Variants in TMEM117 observed in about 807,000 individuals in gnomAD.
The protein encoded by TMEM117 is transmembrane protein 117.
Under a neutral mutation model 52.4 loss-of-function variants are expected in TMEM117, and 27 were observed. That is an observed-to-expected ratio of 0.51 (90% CI 0.38 to 0.71). The LOEUF is 0.71. Among genes scored for constraint, TMEM117 ranks in the 30% least tolerant of loss-of-function variants. TMEM117 has a pLI of 0.00. For missense variants in TMEM117, 556 were observed against 630.5 expected (o/e 0.88, Z 1.26); for synonymous variants, 215 against 206.3 (o/e 1.04, Z -0.36).
At chr12:43,875,220 AGTGTGTGT>A (rs63614060) in intron 2 of TMEM117, among the ~76,000 whole-genome samples, 303 of 148,222 alleles carry the variant, frequency 2.0e-3, no homozygotes, top group South Asian at 5.6e-3. Context: ...ATGGTGGGGA[AGTGTGTGT>A]GTGTGTGTGT....
At chr12:44,011,865 A>G (rs1344211182) in intron 3 of TMEM117, among the ~76,000 whole-genome samples, 3 of 152,176 alleles carry the variant, frequency 2.0e-5, no homozygotes, top group East Asian at 3.9e-4. Flanking sequence ...AAGACTATTA[A>G]GTGACTATAT....
At chr12:44,101,853 C>CT (rs1654981999) in intron 3 of TMEM117, among the ~76,000 whole-genome samples, 1 of 151,928 alleles carries the variant, frequency 6.6e-6, no homozygotes, top group Non-Finnish European at 1.5e-5. Context: ...CCCTGCATGC[C>CT]TTTTTCTTTT....
intron 4 of TMEM117, among the ~76,000 whole-genome samples, chr12:44,207,437 G>T (rs1949584045): frequency 6.6e-6 from 1 of 152,158 alleles, no homozygotes; most frequent in South Asian, 2.1e-4. Context: ...ACTCAGTTTT[G>T]TCACACAAAT....
At chr12:44,259,148 C>T (rs781289363) in intron 5 of TMEM117, among the ~76,000 whole-genome samples, 4 of 152,228 alleles carry the variant, frequency 2.6e-5, no homozygotes, top group African/African-American at 7.2e-5. Flanking sequence ...ATAGGAGGTA[C>T]AGCAGCTCCG....
At chr12:43,878,621 A>G (rs756476636) in intron 2 of TMEM117, among the ~76,000 whole-genome samples, 1 of 152,224 alleles carries the variant, frequency 6.6e-6, no homozygotes, top group Non-Finnish European at 1.5e-5. Flanking sequence ...CACTAGATGT[A>G]TGCTGTGATT....
At chr12:44,276,936 T>C (rs1255556350) in intron 5 of TMEM117, among the ~76,000 whole-genome samples, 1 of 140,056 alleles carries the variant, frequency 7.1e-6, no homozygotes, top group Admixed American at 6.9e-5. Flanking sequence ...GTGTGTGTAA[T>C]AGATCCTGAC....
intron 1 of TMEM117, among the ~76,000 whole-genome samples, chr12:43,837,249 T>G (rs1451757365): frequency 6.6e-6 from 1 of 152,226 alleles, no homozygotes; most frequent in Non-Finnish European, 1.5e-5. Context: ...CATTAAAAAA[T>G]AAACTTTTCA....
At chr12:43,887,380 G>A (rs1170332514) in intron 2 of TMEM117, among the ~76,000 whole-genome samples, 4 of 152,302 alleles carry the variant, frequency 2.6e-5, no homozygotes, top group Non-Finnish European at 4.4e-5. Flanking sequence ...TTTGTGCAAT[G>A]TACACAAAAC....
intron 5 of TMEM117, among the ~76,000 whole-genome samples, chr12:44,276,715 A>G (rs560652629): frequency 5.6e-4 from 85 of 152,318 alleles, no homozygotes; most frequent in African/African-American, 1.9e-3. Flanking sequence ...ATTGTATTGT[A>G]TACATATATC....
At chr12:44,065,269 A>C (rs1565813484) in intron 3 of TMEM117, among the ~76,000 whole-genome samples, 3 of 151,920 alleles carry the variant, frequency 2.0e-5, no homozygotes, top group Non-Finnish European at 2.9e-5. Flanking sequence ...ATCCCAGCTG[A>C]GGAGGAGAAT....
the TMEM117 span, among the ~76,000 whole-genome samples, chr12:43,808,743 G>A: frequency 6.9e-6 from 1 of 145,272 alleles, no homozygotes. Context: ...CCAGGAGGTA[G>A]AGGCTGCAAT....
chr12:44,269,495 T>A (rs990715953), intron 5 of TMEM117, among the ~76,000 whole-genome samples: 1 of 151,978 alleles, frequency 6.6e-6, no homozygotes, highest in Non-Finnish European at 1.5e-5. Flanking sequence ...TATTCTTATT[T>A]TTTTTTTAGT....
intron 4 of TMEM117, among the ~76,000 whole-genome samples, chr12:44,210,283 T>C (rs1949628320): frequency 6.6e-6 from 1 of 152,098 alleles, no homozygotes; most frequent in South Asian, 2.1e-4. Context: ...ACACACACAT[T>C]TATGTAACAC....
chr12:44,244,819 G>A (rs538874405), intron 5 of TMEM117, among the ~76,000 whole-genome samples: 3 of 151,886 alleles, frequency 2.0e-5, no homozygotes, highest in Non-Finnish European at 2.9e-5. Flanking sequence ...TTATTTTATA[G>A]TTTCAGGTCT....
chr12:44,299,772 CTGCA>C, intron 6 of TMEM117, 33 bp downstream of exon 6: 2 of 1,611,308 alleles, frequency 1.2e-6, no homozygotes, highest in South Asian at 2.2e-5. Flanking sequence ...AGTGAAGCTG[CTGCA>C]TGCTCTGTTC....
At chr12:43,807,073 C>A in the TMEM117 span, among the ~76,000 whole-genome samples, 1 of 152,042 alleles carries the variant, frequency 6.6e-6, no homozygotes, top group East Asian at 1.9e-4. Flanking sequence ...TCCTTTCCTG[C>A]TTTTACAAAC....
chr12:44,391,946 T>C (rs1411873632), downstream of TMEM117, among the ~76,000 whole-genome samples: 1 of 152,130 alleles, frequency 6.6e-6, no homozygotes, highest in Non-Finnish European at 1.5e-5. Flanking sequence ...AGAACCCAAC[T>C]CTGACCTATT....
chr12:44,104,636 A>G (rs1947921574), intron 3 of TMEM117, among the ~76,000 whole-genome samples: 1 of 151,946 alleles, frequency 6.6e-6, no homozygotes, highest in Non-Finnish European at 1.5e-5. Context: ...CTGAAGAACA[A>G]CTTTTAACAT....
chr12:44,216,768 A>T (rs1243636042), intron 5 of TMEM117, among the ~76,000 whole-genome samples: 1 of 152,186 alleles, frequency 6.6e-6, no homozygotes, highest in East Asian at 1.9e-4. Flanking sequence ...TGCTGTGTGT[A>T]TCTGTGTACA....
Sources: gnomAD v4.1 joint callset for allele counts (sites outside exome capture counted in the v4.1 genomes callset) on GRCh38, gnomAD v4.1.1 for gene constraint, MANE v1.5 for transcripts, NCBI Gene and HGNC (gene_info 2026-07-23, HGNC 2026-07-21) for gene names.